Variants in CAPRIN2 observed in about 807,000 individuals in gnomAD.
CAPRIN2 encodes the protein caprin-2.
A neutral mutation model predicts 130.4 loss-of-function variants in CAPRIN2; 66 were observed. The observed-to-expected ratio is 0.51, with a 90% CI of 0.42 to 0.62. The LOEUF (loss-of-function observed/expected upper bound fraction) is 0.62. Ranked by LOEUF, CAPRIN2 falls within the 20% of genes least tolerant of loss-of-function variation. CAPRIN2 has a pLI of 0.00. For synonymous variants in CAPRIN2, 471 were observed against 444.1 expected (o/e 1.06, Z -0.76); for missense variants, 1,185 against 1,246.6 (o/e 0.95, Z 0.74).
intron 15 of CAPRIN2, among the ~76,000 whole-genome samples, 199 bp downstream of exon 17, chr12:30,713,586 T>C (rs1412314603): frequency 6.6e-6 from 1 of 152,206 alleles, no homozygotes; most frequent in Admixed American, 6.5e-5. Flanking sequence ...AAGTTCCACA[T>C]AACAAGCAAT....
Position 30,711,551 on chromosome 12 carries a change from G to A in CAPRIN2, c.2665+15C>T, listed in dbSNP as rs1002236126. ...ATGTGCTGGGTAAGAAAACTATTCAGCTAATTACCCTTACCTCTCGAATTT... is the reference window on the plus strand; with the variant it reads ...ATGTGCTGGGTAAGAAAACTATTCAACTAATTACCCTTACCTCTCGAATTT... On this transcript the variant is annotated intron_variant, in intron 16 of 16. Coordinates refer to ENST00000298892, the Ensembl canonical transcript of CAPRIN2. 1 of 1,600,570 alleles carries A rather than the reference G, an allele frequency of 6.2e-7. No homozygotes were observed. The highest frequency in any genetic ancestry group is 8.6e-7 in the Non-Finnish European group (1 of 1,167,668).
chr12:30,712,335 T>C (rs1040846131), intron 15 of CAPRIN2, among the ~76,000 whole-genome samples: 2 of 152,164 alleles, frequency 1.3e-5, no homozygotes, highest in Non-Finnish European at 2.9e-5. Flanking sequence ...CCCTTTGCAA[T>C]AGCAACTAGC....
At chr12:30,735,125 G>A (rs1449101587) in exon 4 of CAPRIN2, 1 of 1,614,152 alleles carries the variant, frequency 6.2e-7, no homozygotes, top group Non-Finnish European at 8.5e-7. Flanking sequence ...TGAACTTGAA[G>A]TATAGTTCGA....
At chr12:30,747,621 G>C (rs1419658139) in intron 2 of CAPRIN2, among the ~76,000 whole-genome samples, 1 of 151,474 alleles carries the variant, frequency 6.6e-6, no homozygotes, top group African/African-American at 2.4e-5. Flanking sequence ...AGGTTGCGGT[G>C]AGCCGAGATC....
intron 3 of CAPRIN2, among the ~76,000 whole-genome samples, chr12:30,739,075 A>G (rs1197265446): frequency 6.6e-6 from 1 of 152,244 alleles, no homozygotes; most frequent in African/African-American, 2.4e-5. Context: ...AGGAATATAA[A>G]TCATTCTACC....
At chr12:30,719,199 C>G (rs143445368) in intron 12 of CAPRIN2, 1 of 1,613,864 alleles carries the variant, frequency 6.2e-7, no homozygotes, top group African/African-American at 1.3e-5. Flanking sequence ...CTAGTGAAGA[C>G]GGTTGCTTGC....
intron 1 of CAPRIN2, among the ~76,000 whole-genome samples, chr12:30,751,868 C>T (rs1228424117): frequency 6.8e-6 from 1 of 148,058 alleles, no homozygotes; most frequent in East Asian, 2.0e-4. Flanking sequence ...AAATAAATTG[C>T]ATTTGTTGGC....
At position 30,710,617 on chromosome 12, in the gene CAPRIN2, T is replaced by C. The variant is rs572790443; in HGVS notation, c.2666-147A>G. ...GCAATATATAGCTAGATTATACTTT[T>C]CTAGATTTTTCTGGTAATAGGTTTT... On this transcript the variant is annotated intron_variant, in intron 16 of 16. Transcript: ENST00000298892. The surrounding 1 kb of genome is among the most constrained non-coding windows in gnomAD (Gnocchi z 4.8). 1.6e-6 allele frequency: 2 copies of C among 1,242,390 alleles called. No homozygotes were observed. Among genetic ancestry groups the C allele is most frequent in the South Asian group, 3.2e-5 (2 of 63,188 alleles). 77.0% of individuals were successfully genotyped at this position (1,242,390 alleles called of 1,614,324 possible). A position where few individuals can be genotyped will look rare whatever the true frequency, so the allele number is the denominator to read the frequency against.
chr12:30,728,894 T>C (rs1263303331), exon 8 of CAPRIN2: 1 of 1,614,178 alleles, frequency 6.2e-7, no homozygotes, highest in Admixed American at 1.7e-5. Flanking sequence ...TCCAAGACTT[T>C]GGAGTTTGCT....
chr12:30,754,089 T>C (rs2075232172), exon 1 of CAPRIN2: 2 of 212,206 alleles, frequency 9.4e-6, no homozygotes, highest in South Asian at 1.1e-4. Flanking sequence ...CATTCTTTTA[T>C]AGCTCTAAGT....
intron 11 of CAPRIN2, among the ~76,000 whole-genome samples, chr12:30,721,942 G>C (rs1237283753): frequency 6.6e-6 from 1 of 152,178 alleles, no homozygotes; most frequent in Non-Finnish European, 1.5e-5. Context: ...TATAAGATTA[G>C]AGCGTTTCTA....
chr12:30,726,544 C>A (rs1209403157), intron 8 of CAPRIN2, among the ~76,000 whole-genome samples: 1 of 151,992 alleles, frequency 6.6e-6, no homozygotes, highest in Admixed American at 6.6e-5. Flanking sequence ...ATACACATAC[C>A]CTAAAATTGA....
chr12:30,709,781 C>G, exon 17 of CAPRIN2: 1 of 1,145,144 alleles, frequency 8.7e-7, no homozygotes, highest in Non-Finnish European at 1.2e-6. Flanking sequence ...AAGTAAGGAC[C>G]TCCTCCCTCT....
exon 17 of CAPRIN2, chr12:30,709,785 TCCCTCTAGGAA>T: frequency 8.3e-7 from 1 of 1,199,678 alleles, no homozygotes; most frequent in South Asian, 1.7e-5. Flanking sequence ...AAGGACCTCC[TCCCTCTAGGAA>T]CAAAAACATT....
intron 2 of CAPRIN2, among the ~76,000 whole-genome samples, chr12:30,748,951 G>A (rs888274821): frequency 1.3e-5 from 2 of 152,156 alleles, no homozygotes; most frequent in African/African-American, 2.4e-5. Context: ...AAACTTCATA[G>A]CTTGTCAGAG....
chr12:30,711,784 T>C (rs1288123390), intron 15 of CAPRIN2, 155 bp from the exon 18 acceptor site: 3 of 715,182 alleles, frequency 4.2e-6, no homozygotes, highest in Non-Finnish European at 7.7e-6. Context: ...TTCCAAACAC[T>C]AAGAAAAACA....
exon 15 of CAPRIN2, chr12:30,713,827 C>T (rs780988960): frequency 6.2e-7 from 1 of 1,611,488 alleles, no homozygotes; most frequent in East Asian, 2.2e-5. Flanking sequence ...TAGCTTGGAA[C>T]TGCAGCTGGC....
At chr12:30,733,233 A>G (rs2063346761) in intron 5 of CAPRIN2, among the ~76,000 whole-genome samples, 1 of 152,130 alleles carries the variant, frequency 6.6e-6, no homozygotes, top group Non-Finnish European at 1.5e-5. Flanking sequence ...AGACTATAAA[A>G]CCATTCATAT....
intron 13 of CAPRIN2, chr12:30,715,975 A>G (rs2057424200): frequency 6.5e-6 from 1 of 154,990 alleles, no homozygotes; most frequent in Admixed American, 6.4e-5. Context: ...AATACAAAAA[A>G]TCTACAAGTG....
Sources: gnomAD v4.1 joint callset for allele counts (sites outside exome capture counted in the v4.1 genomes callset) on GRCh38, gnomAD v4.1.1 for gene constraint, Gnocchi (gnomAD v3.1) non-coding constraint, MANE v1.5 for transcripts, NCBI Gene and HGNC (gene_info 2026-07-23, HGNC 2026-07-21) for gene names.